The following DHX32 variants were observed in gnomAD, a reference collection of about 807,000 sequenced individuals.
DHX32 encodes the protein putative pre-mRNA-splicing factor ATP-dependent RNA helicase DHX32.
A neutral mutation model predicts 70.0 loss-of-function variants in DHX32; 51 were observed. That is an observed-to-expected ratio of 0.73 (90% confidence interval 0.58 to 0.92). The LOEUF (loss-of-function observed/expected upper bound fraction) is 0.92, where lower values mean the gene tolerates loss of function less well. Ranked by LOEUF, DHX32 falls within the 40% of genes least tolerant of loss-of-function variation. The pLI is 0.00. For synonymous variants in DHX32, 310 were observed against 315.3 expected (o/e 0.98, Z 0.18); for missense variants, 762 against 891.8 (o/e 0.85, Z 1.85).
chr10:125,858,736 A>G (rs753372583), intron 3 of DHX32, among the ~76,000 whole-genome samples: 2 of 152,184 alleles, frequency 1.3e-5, no homozygotes, highest in Non-Finnish European at 2.9e-5. Context: ...GTCATGGTCT[A>G]AAAACTCATG....
chr10:125,858,437 G>T (rs1944162126), intron 3 of DHX32, among the ~76,000 whole-genome samples: 1 of 152,160 alleles, frequency 6.6e-6, no homozygotes, highest in Non-Finnish European at 1.5e-5. Context: ...TCAAGAGAAT[G>T]TATATCATAT....
upstream of DHX32, among the ~76,000 whole-genome samples, chr10:125,885,839 T>G (rs976258111): frequency 9.2e-5 from 14 of 152,200 alleles, no homozygotes; most frequent in African/African-American, 3.4e-4. Flanking sequence ...CTCACCTGGA[T>G]TACTGCAATA....
intron 1 of DHX32, among the ~76,000 whole-genome samples, chr10:125,891,790 A>G (rs1944372631): frequency 6.6e-6 from 1 of 152,296 alleles, no homozygotes; most frequent in Non-Finnish European, 1.5e-5. Context: ...TAATCCTCCC[A>G]GATTTTCAGC....
At chr10:125,842,659 C>A in intron 6 of DHX32, 1 of 183,376 alleles carries the variant, frequency 5.5e-6, no homozygotes, top group Non-Finnish European at 1.0e-5. Flanking sequence ...CAATGTCTAG[C>A]ATCCAGTAGA....
At chr10:125,876,999 A>G (rs1023050822) in intron 1 of DHX32, among the ~76,000 whole-genome samples, 9 of 152,288 alleles carry the variant, frequency 5.9e-5, no homozygotes, top group African/African-American at 1.9e-4. Flanking sequence ...CATGTCCTCA[A>G]CCTACCCCTA....
chr10:125,859,347 T>C (rs934552112), intron 3 of DHX32, among the ~76,000 whole-genome samples: 33 of 152,238 alleles, frequency 2.2e-4, no homozygotes, highest in African/African-American at 8.0e-4. Context: ...AGCCACTCTC[T>C]GGCCTGAGCC....
intron 6 of DHX32, chr10:125,842,799 G>T (rs1174185003): frequency 1.1e-6 from 1 of 950,904 alleles, no homozygotes; most frequent in East Asian, 1.2e-4. Context: ...AATAAAGATA[G>T]CAAGCTGATT....
chr10:125,855,367 A>G (rs1302988112), intron 3 of DHX32, among the ~76,000 whole-genome samples: 3 of 151,990 alleles, frequency 2.0e-5, no homozygotes, highest in African/African-American at 4.8e-5. Context: ...CACTGGTGCA[A>G]CTTAACAGCT....
At chr10:125,875,672 G>A (rs1944279894) in intron 1 of DHX32, among the ~76,000 whole-genome samples, 1 of 152,172 alleles carries the variant, frequency 6.6e-6, no homozygotes, top group Non-Finnish European at 1.5e-5. Context: ...CACCAAAAAT[G>A]CTAACACTAG....
intron 2 of DHX32, among the ~76,000 whole-genome samples, chr10:125,860,899 C>G (rs533482718): frequency 6.6e-6 from 1 of 151,602 alleles, no homozygotes; most frequent in South Asian, 2.1e-4. Flanking sequence ...ACTACAGGCG[C>G]CCGCCACCAC....
At position 125,841,884 on chromosome 10, in the gene DHX32, G is replaced by A; in HGVS notation, c.1402C>T (p.Leu468=). ...TCAGAAAGATTTCCATCATTATCCA[G>A]TGCTGCCAGATAATCTAAGTCTTCC... The part of the protein sequence containing the change: ...ALEDLDYLAA[L]DNDGNLSEFG... Residue 468 remains leucine, a synonymous_variant, in exon 7 of 11, where the codon CTG becomes TTG. Coordinates refer to ENST00000284690, the MANE Select transcript of DHX32 (RefSeq NM_018180.3). The A allele has an allele frequency of 6.2e-7, 1 of 1,611,088 alleles. No homozygotes were observed. Among genetic ancestry groups the A allele is most frequent in the Non-Finnish European group, 8.5e-7 (1 of 1,179,356 alleles).
intron 1 of DHX32, among the ~76,000 whole-genome samples, chr10:125,889,384 G>A (rs555855734): frequency 1.8e-4 from 28 of 152,278 alleles, no homozygotes; most frequent in African/African-American, 6.7e-4. Flanking sequence ...AAAAAAGAAA[G>A]TTAATGAGGT....
At chr10:125,837,707 A>C (rs1390797635) in intron 10 of DHX32, among the ~76,000 whole-genome samples, 1 of 152,194 alleles carries the variant, frequency 6.6e-6, no homozygotes, top group Non-Finnish European at 1.5e-5. Flanking sequence ...GGCCAGCTAC[A>C]GTGATCCTTA....
intron 1 of DHX32, among the ~76,000 whole-genome samples, chr10:125,874,348 C>A (rs1944271983): frequency 6.6e-6 from 1 of 152,134 alleles, no homozygotes; most frequent in African/African-American, 2.4e-5. Context: ...TATTTGAGTA[C>A]CATTTTGATT....
chr10:125,852,300 G>C lies in DHX32; in HGVS notation c.1344C>G (p.Asn448Lys), dbSNP rs61757587. ...IAGLGHCDFM[N>K]RPAPESLMQA... Reference sequence around the variant, plus strand: ...ATGGGAGCATAAGGCTACCTGGTCTGTTCATGAAGTCACAGTGGCCTAGGC... The same window carrying C: ...ATGGGAGCATAAGGCTACCTGGTCTCTTCATGAAGTCACAGTGGCCTAGGC... Residue 448 changes from asparagine (N) to lysine (K), a missense_variant, in exon 6 of 11, where the codon AAC becomes AAG. Around this residue, in one of 3 missense-constraint regions of DHX32, gnomAD observed 366 missense variants for 402.6 expected, o/e 0.91. Coordinates refer to ENST00000284690, the MANE Select transcript of DHX32 (RefSeq NM_018180.3). 9 of 1,613,982 alleles carry C rather than the reference G, an allele frequency of 5.6e-6. No individual in the cohort carries two copies. In the African/African-American group the frequency reaches 6.7e-5, roughly 12 times the overall value.
At chr10:125,851,474 C>T (rs1321550455) in intron 6 of DHX32, among the ~76,000 whole-genome samples, 1 of 152,136 alleles carries the variant, frequency 6.6e-6, no homozygotes, top group African/African-American at 2.4e-5. Flanking sequence ...ATTTCTAGTC[C>T]ACCAAACATC....
Position 125,836,694 on chromosome 10 carries a change from A to G in DHX32, c.2225T>C (p.Leu742Pro), listed in dbSNP as rs1854696270. 1 of 1,613,862 alleles carries G rather than the reference A, an allele frequency of 6.2e-7. No homozygotes were observed. The highest frequency in any genetic ancestry group is 8.5e-7 in the Non-Finnish European group (1 of 1,179,886). The change falls in exon 11 of 11, where the codon CTC becomes CCC. Residue 742 changes from leucine (L) to proline (P), a missense_variant. Transcript: ENST00000284690. Reference sequence around the variant, plus strand: ...CTTGTGTTTGCTGGGGAGTCACTGGAGAGTGCATCTCTGTTCAGTTTCAGG... The same window carrying G: ...CTTGTGTTTGCTGGGGAGTCACTGGGGAGTGCATCTCTGTTCAGTTTCAGG... ...TCPETEQRCTLQ is the reference protein window; with the variant it reads ...TCPETEQRCTPQ
At chr10:125,846,394 T>A (rs371896994) in intron 6 of DHX32, among the ~76,000 whole-genome samples, 2 of 152,208 alleles carry the variant, frequency 1.3e-5, no homozygotes, top group South Asian at 4.1e-4. Context: ...GTGGGTGTTT[T>A]CTATATGAGT....
chr10:125,848,545 C>T (rs1944052772), intron 6 of DHX32, among the ~76,000 whole-genome samples: 1 of 152,204 alleles, frequency 6.6e-6, no homozygotes, highest in South Asian at 2.1e-4. Context: ...AACCTGGCAC[C>T]TGGCATGCTC....
Sources: gnomAD v4.1 joint callset for allele counts (sites outside exome capture counted in the v4.1 genomes callset) on GRCh38, gnomAD v4.1.1 for gene constraint, gnomAD v4.1.1 regional missense constraint, MANE v1.5 for transcripts, NCBI Gene and HGNC (gene_info 2026-07-23, HGNC 2026-07-21) for gene names.